The following CCPG1 variants were observed in gnomAD, a reference collection of about 807,000 sequenced individuals.
CCPG1 encodes the protein cell cycle progression 1, also known as cell cycle progression protein 1.
Under a neutral mutation model 81.3 loss-of-function variants are expected in CCPG1, and 46 were observed. The ratio of observed to expected loss-of-function variants is 0.57; its 90% confidence interval spans 0.45 to 0.72. CCPG1 has a LOEUF of 0.72. CCPG1 is among the 30% of genes least tolerant of loss of function. The probability of loss-of-function intolerance (pLI) is 0.00; values close to 1 mark genes in which losing one functional copy is unlikely to be tolerated. For synonymous variants in CCPG1, 330 were observed against 305.2 expected, an observed-to-expected ratio of 1.08 and a Z score of -0.85; for missense variants, 902 against 937.6, an observed-to-expected ratio of 0.96 and a Z score of 0.50.
At chr15:55,363,915 T>G (rs904890097) in intron 7 of CCPG1, among the ~76,000 whole-genome samples, 1 of 148,986 alleles carries the variant, frequency 6.7e-6, no homozygotes, top group Non-Finnish European at 1.5e-5. Context: ...GCAATTCTTG[T>G]GCCTAAGCCT....
chr15:55,377,046 A>G lies in CCPG1; in HGVS notation c.357T>C (p.Asn119=). The G allele has an allele frequency of 6.2e-7, 1 of 1,613,868 alleles. No homozygotes were observed. Among genetic ancestry groups the G allele is most frequent in the Non-Finnish European group, 8.5e-7 (1 of 1,179,864 alleles). The change falls in exon 5 of 9, where the codon AAT becomes AAC. Residue 119 remains asparagine (N), a synonymous_variant. Coordinates refer to ENST00000442196, the MANE Select transcript of CCPG1 (RefSeq NM_001204450.2). The part of the protein sequence containing the change: ...LEPPKLEEIG[N]QEVVIVEEAQ... ...CTTCTTCAACAATGACAACTTCTTG[A>G]TTTCCAATTTCTTCTAACTTAGGTG... is the stretch of plus-strand genomic sequence containing the variant.
intron 1 of CCPG1, among the ~76,000 whole-genome samples, chr15:55,407,434 G>C (rs2057258095): frequency 6.6e-6 from 1 of 152,128 alleles, no homozygotes; most frequent in Non-Finnish European, 1.5e-5. Context: ...CTGTAGATTG[G>C]AGGAGACAAA....
chr15:55,382,157 C>T (rs1179424705), intron 3 of CCPG1, among the ~76,000 whole-genome samples: 3 of 152,146 alleles, frequency 2.0e-5, no homozygotes, highest in African/African-American at 4.8e-5. Flanking sequence ...GGTGGAGTAG[C>T]TGGGGCAATT....
chr15:55,388,924 T>C (rs1184194185), intron 2 of CCPG1, among the ~76,000 whole-genome samples: 4 of 151,262 alleles, frequency 2.6e-5, no homozygotes, highest in Non-Finnish European at 4.4e-5. Flanking sequence ...AAAAATTAGC[T>C]GGGCATGGTA....
At chr15:55,402,021 T>G (rs904434126) in intron 1 of CCPG1, among the ~76,000 whole-genome samples, 10 of 152,224 alleles carry the variant, frequency 6.6e-5, no homozygotes, top group Non-Finnish European at 1.0e-4. Context: ...TAAAGCTGTC[T>G]TCTCCCATGA....
chr15:55,397,468 G>C (rs1219092076), intron 1 of CCPG1, among the ~76,000 whole-genome samples: 1 of 152,200 alleles, frequency 6.6e-6, no homozygotes, highest in African/African-American at 2.4e-5. Flanking sequence ...TGATAATCCA[G>C]GTGAGACATG....
At position 55,359,569 on chromosome 15, in the gene CCPG1, C is replaced by T. The variant is rs767482652; in HGVS notation, c.2204G>A (p.Gly735Asp). ...LDEYIYRHFF[G>D]HTFSPPYGPS... Reference sequence around the variant, plus strand: ...TCCATATGGAGGGGAAAAAGTGTGACCAAAGAAGTGTCTATATATATATTC... The same window carrying T: ...TCCATATGGAGGGGAAAAAGTGTGATCAAAGAAGTGTCTATATATATATTC... The change falls in exon 8 of 9, where the codon GGT (glycine) becomes GAT (aspartate). Residue 735 changes from glycine to aspartate, a missense_variant. By Grantham distance (94) the Gly-to-Asp change is moderately conservative. Transcript: ENST00000442196. 1.6e-5 allele frequency: 25 copies of T among 1,610,928 alleles called. No homozygotes were observed. The highest frequency in any genetic ancestry group is 2.0e-5 in the Non-Finnish European group (24 of 1,179,064).
At chr15:55,359,086 G>C (rs1482888439) in intron 8 of CCPG1, 1 of 984,654 alleles carries the variant, frequency 1.0e-6, no homozygotes, top group Non-Finnish European at 1.2e-6. Flanking sequence ...GAATGGACAA[G>C]TGAAAATAGG....
intron 5 of CCPG1, among the ~76,000 whole-genome samples, chr15:55,373,220 T>C (rs1412109762): frequency 6.6e-6 from 1 of 152,232 alleles, no homozygotes; most frequent in Non-Finnish European, 1.5e-5. Context: ...AACAAACTAT[T>C]ATGTTGACAC....
chr15:55,387,843 C>A (rs1269141911), intron 2 of CCPG1, among the ~76,000 whole-genome samples: 1 of 143,984 alleles, frequency 6.9e-6, no homozygotes, highest in African/African-American at 2.5e-5. Flanking sequence ...CCACGCCCGG[C>A]CTATAATTTT....
At chr15:55,372,136 C>T in intron 5 of CCPG1, 92 bp from the exon 6 acceptor site, 1 of 1,230,130 alleles carries the variant, frequency 8.1e-7, no homozygotes. Context: ...CCATCCCTTA[C>T]ATGCCTTTCT....
At chr15:55,388,393 T>C (rs2056846725) in intron 2 of CCPG1, among the ~76,000 whole-genome samples, 1 of 152,210 alleles carries the variant, frequency 6.6e-6, no homozygotes, top group South Asian at 2.1e-4. Context: ...ATTATAAAAT[T>C]CATTTTGTGA....
At chr15:55,405,985 C>A (rs1273754667) in intron 1 of CCPG1, among the ~76,000 whole-genome samples, 1 of 152,190 alleles carries the variant, frequency 6.6e-6, no homozygotes, top group Non-Finnish European at 1.5e-5. Flanking sequence ...CTGCCTCAGC[C>A]TCCTGAATAG....
chr15:55,376,777 C>T (rs1005511057), intron 5 of CCPG1, among the ~76,000 whole-genome samples, 172 bp downstream of exon 5: 5 of 152,194 alleles, frequency 3.3e-5, no homozygotes, highest in African/African-American at 9.6e-5. Flanking sequence ...TGCTCCAGAA[C>T]AGTCTAGCGA....
At chr15:55,375,507 T>C (rs1411568978) in intron 5 of CCPG1, among the ~76,000 whole-genome samples, 1 of 148,468 alleles carries the variant, frequency 6.7e-6, no homozygotes, top group Non-Finnish European at 1.5e-5. Flanking sequence ...TACCCCTCCA[T>C]AAATAAAGAT....
rs1378486821 is a variant in CCPG1 at position 55,396,639 on chromosome 15, C to T, written c.-9-7206G>A. ...TTAGACTTATGTCGACAAAAACAGT[C>T]AAACCCTGTAAAATATTTGAGGAGA... On this transcript the variant is annotated intron_variant, in intron 1 of 8. Coordinates refer to ENST00000442196, the MANE Select transcript of CCPG1 (RefSeq NM_001204450.2). Among the ~76,000 whole-genome samples, 3 of 152,196 alleles carry T rather than the reference C, an allele frequency of 2.0e-5. No individual in the cohort carries two copies. In the East Asian group the frequency reaches 5.8e-4, roughly 29 times the overall value.
At chr15:55,391,887 AG>A (rs61200003) in intron 1 of CCPG1, among the ~76,000 whole-genome samples, 458 of 44,732 alleles carry the variant, frequency 0.01, 13 homozygotes, top group African/African-American at 0.029. Flanking sequence ...AAAAAAAAAA[AG>A]GGGGGGGGGG....
intron 3 of CCPG1, among the ~76,000 whole-genome samples, chr15:55,378,977 G>C (rs1392314445): frequency 6.6e-6 from 1 of 151,192 alleles, no homozygotes; most frequent in Non-Finnish European, 1.5e-5. Context: ...ACTTGATCCA[G>C]TATGTTCATT....
At chr15:55,405,070 C>T (rs113571324) in intron 1 of CCPG1, among the ~76,000 whole-genome samples, 3,563 of 152,046 alleles carry the variant, frequency 0.023, 138 homozygotes, top group African/African-American at 0.082. Flanking sequence ...ACTAAAAATA[C>T]AAAAATTAGG....
Sources: allele counts gnomAD v4.1 joint callset (sites outside exome capture counted in the v4.1 genomes callset), GRCh38; gene constraint gnomAD v4.1.1; transcripts MANE v1.5; gene names NCBI Gene and HGNC (gene_info 2026-07-23, HGNC 2026-07-21).